Variants in SMC3 observed in about 807,000 individuals in gnomAD.
The protein encoded by SMC3 is structural maintenance of chromosomes 3, also known as structural maintenance of chromosomes protein 3.
In SMC3, 20 loss-of-function variants were observed where a neutral mutation model predicts 171.8. The ratio of observed to expected loss-of-function variants is 0.12; its 90% CI spans 0.08 to 0.17. The LOEUF (loss-of-function observed/expected upper bound fraction) is 0.17. Among genes scored for constraint, SMC3 ranks in the 10% least tolerant of loss-of-function variants. SMC3 has a pLI of 1.00. For missense variants in SMC3, 543 were observed against 1,420.4 expected, an observed-to-expected ratio of 0.38 and a Z score of 9.93; for synonymous variants, 464 against 451.1, an observed-to-expected ratio of 1.03 and a Z score of -0.36.
At chr10:110,573,526 A>C (rs1860903702) in intron 2 of SMC3, among the ~76,000 whole-genome samples, 181 bp from the exon 3 acceptor site, 1 of 150,824 alleles carries the variant, frequency 6.6e-6, no homozygotes. Context: ...CTGTACAAAA[A>C]TTGAATTTAT....
chr10:110,569,680 G>A (rs937131467), intron 2 of SMC3, among the ~76,000 whole-genome samples: 3 of 152,134 alleles, frequency 2.0e-5, no homozygotes, highest in Non-Finnish European at 2.9e-5. Flanking sequence ...TTTCTGAGAA[G>A]CTTCAGTTTT....
intron 3 of SMC3, among the ~76,000 whole-genome samples, chr10:110,574,879 G>A (rs1000350027): frequency 6.6e-6 from 1 of 152,136 alleles, no homozygotes; most frequent in African/African-American, 2.4e-5. Flanking sequence ...ACATTTCCCT[G>A]TATTTCCTTA....
chr10:110,601,902 A>T lies in SMC3; in HGVS notation c.2892+18A>T. The T allele has an allele frequency of 6.2e-7, 1 of 1,613,660 alleles. No individual in the cohort carries two copies. Among genetic ancestry groups the T allele is most frequent in the South Asian group, 1.1e-5 (1 of 91,032 alleles). On this transcript the variant is annotated intron_variant, in intron 24 of 28. Transcript: ENST00000361804. ...TCAAACAGGTTGGTTTTAAATTTGA[A>T]GTCTTGTTACAAATTGCTCAGTATA...
Position 110,595,214 on chromosome 10 carries a change from A to T in SMC3, c.1964-1184A>T, listed in dbSNP as rs1292099261. ...AGGCTGGTCTCGAACTCCTGACCTC[A>T]GGTGATCTGCCTGCCTCAACCTCCC... On this transcript the variant is annotated intron_variant, in intron 18 of 28. Transcript: ENST00000361804. Among the ~76,000 whole-genome samples, 6 of 152,186 alleles carry T rather than the reference A, an allele frequency of 3.9e-5. No individual in the cohort carries two copies. In the East Asian group the frequency reaches 1.2e-3, roughly 29 times the overall value.
At chr10:110,570,193 A>G (rs1268004336) in intron 2 of SMC3, among the ~76,000 whole-genome samples, 1 of 152,126 alleles carries the variant, frequency 6.6e-6, no homozygotes. Context: ...AACCATAATC[A>G]TCTTCCAGGG....
intron 17 of SMC3, 85 bp from the exon 18 acceptor site, chr10:110,592,988 G>A (rs1861232747): frequency 3.5e-6 from 4 of 1,142,226 alleles, no homozygotes; most frequent in Non-Finnish European, 5.3e-6. Context: ...TGGTTTATTT[G>A]TATTTCATAA....
intron 7 of SMC3, among the ~76,000 whole-genome samples, chr10:110,579,942 TA>T (rs879567275): frequency 1.3e-5 from 2 of 151,534 alleles, no homozygotes; most frequent in Admixed American, 6.6e-5. Flanking sequence ...ATTCTCTCTA[TA>T]TTTAAAGCAT....
rs1445235109 is a variant in SMC3 at position 110,600,503 on chromosome 10, A to T, written c.2492A>T (p.Tyr831Phe). 2 of 1,596,736 alleles carry T rather than the reference A, an allele frequency of 1.3e-6. No homozygotes were observed. Among genetic ancestry groups the T allele is most frequent in the Non-Finnish European group, 1.7e-6 (2 of 1,164,266 alleles). ...GGTATTATTACTCGAGTAGAGACTT[A>T]TCTCAATGAGAATCTGAGAAAACGC... ...LEGIITRVET[Y>F]LNENLRKRLD... The change falls in exon 22 of 29, where the codon TAT becomes TTT. Residue 831 changes from tyrosine (Y) to phenylalanine (F), a missense_variant. Transcript: ENST00000361804.
At chr10:110,577,237 A>AGTTAT (rs1860965600) in intron 4 of SMC3, among the ~76,000 whole-genome samples, 184 bp from the exon 5 acceptor site, 2 of 152,110 alleles carry the variant, frequency 1.3e-5, no homozygotes, top group Non-Finnish European at 2.9e-5. Flanking sequence ...GATATCCCCA[A>AGTTAT]AGTATGTATC....
At position 110,580,848 on chromosome 10, in the gene SMC3, C is replaced by G. The variant is rs964804876; in HGVS notation, c.430-56C>G. ...ATTAAAAACCTTTCAACGTGGAGTT[C>G]TTCTTCTTAAACGGAGGCTACAGCT... On this transcript the variant is annotated intron_variant, in intron 7 of 28. Transcript: ENST00000361804. The G allele has an allele frequency of 1.4e-5, 13 of 937,260 alleles. 1 individual carries two copies. Among genetic ancestry groups the G allele is most frequent in the South Asian group, 6.5e-5 (5 of 77,260 alleles). 58.1% of individuals were successfully genotyped at this position (937,260 alleles called of 1,614,324 possible).
At chr10:110,577,724 A>G in intron 5 of SMC3, 111 bp from the exon 6 acceptor site, 2 of 770,778 alleles carry the variant, frequency 2.6e-6, no homozygotes. Flanking sequence ...TTAGTGAGAT[A>G]ATTGAAATTT....
chr10:110,584,463 C>A, intron 13 of SMC3, 67 bp downstream of exon 13: 1 of 1,128,652 alleles, frequency 8.9e-7, no homozygotes, highest in Non-Finnish European at 1.3e-6. Context: ...GTTTTATCTA[C>A]TTCAAGTTTT....
intron 8 of SMC3, 151 bp from the exon 9 acceptor site, chr10:110,581,772 C>A: frequency 2.5e-6 from 2 of 805,002 alleles, no homozygotes; most frequent in Non-Finnish European, 3.9e-6. Context: ...GGGTTAATTG[C>A]TATTTTAGTA....
At chr10:110,598,016 T>G (rs1000002273) in intron 19 of SMC3, 123 bp from the exon 20 acceptor site, 1 of 857,582 alleles carries the variant, frequency 1.2e-6, no homozygotes, top group Non-Finnish European at 1.9e-6. Flanking sequence ...TCCATAAATT[T>G]GAGGACATAA....
At position 110,588,227 on chromosome 10, in the gene SMC3, T is replaced by G. The variant is rs539739838; in HGVS notation, c.1306-1378T>G. Among the ~76,000 whole-genome samples the G allele has an allele frequency of 1.8e-3, 272 of 152,306 alleles. 3 individuals are homozygous for G. The highest frequency in any genetic ancestry group is 1.1e-3 in the Non-Finnish European group (73 of 68,022). On this transcript the variant is annotated intron_variant, in intron 13 of 28. Transcript: ENST00000361804. ...GGATGGTCTCCATCTCTTGACTTCA[T>G]GAGCTGCCCACCTCGGCCTCCCAAA...
intron 3 of SMC3, among the ~76,000 whole-genome samples, chr10:110,574,041 A>G (rs1860911761): frequency 6.6e-6 from 1 of 152,200 alleles, no homozygotes; most frequent in African/African-American, 2.4e-5. Context: ...GTTTGTAAGA[A>G]TGGAATGCAA....
intron 20 of SMC3, among the ~76,000 whole-genome samples, chr10:110,598,864 G>C (rs768992029): frequency 5.3e-5 from 8 of 152,054 alleles, no homozygotes; most frequent in Admixed American, 1.3e-4. Flanking sequence ...GTCAGTTTTT[G>C]TCAGTAACCA....
chr10:110,588,136 C>T (rs1389454619), intron 13 of SMC3, among the ~76,000 whole-genome samples: 3 of 152,146 alleles, frequency 2.0e-5, no homozygotes, highest in African/African-American at 7.2e-5. Context: ...GGACTACAGG[C>T]GTGTGCCATC....
intron 7 of SMC3, 62 bp downstream of exon 7, chr10:110,578,768 A>G: frequency 7.6e-7 from 1 of 1,320,200 alleles, no homozygotes; most frequent in Non-Finnish European, 1.1e-6. Flanking sequence ...TTGAGTGATG[A>G]ATTTGGTTTA....
Sources: gnomAD v4.1 joint callset for allele counts (sites outside exome capture counted in the v4.1 genomes callset) on GRCh38, gnomAD v4.1.1 for gene constraint, MANE v1.5 for transcripts, NCBI Gene and HGNC (gene_info 2026-07-23, HGNC 2026-07-21) for gene names.